Variants in PEPD observed in about 807,000 individuals in gnomAD.
The protein encoded by PEPD is xaa-Pro dipeptidase.
Under a neutral mutation model 60.7 loss-of-function variants are expected in PEPD, and 53 were observed. The ratio of observed to expected loss-of-function variants is 0.87; its 90% CI spans 0.70 to 1.10. PEPD has a LOEUF of 1.10. Among genes scored for constraint, PEPD ranks in the 50% least tolerant of loss-of-function variants. The pLI is 0.00. For missense variants in PEPD, 711 were observed against 711.9 expected, an observed-to-expected ratio of 1.00 and a Z score of 0.01; for synonymous variants, 267 against 284.1, an observed-to-expected ratio of 0.94 and a Z score of 0.60.
chr19:33,505,827 ACACACCCACACACAACACAGCATACT>A (rs2145343082), intron 3 of PEPD, among the ~76,000 whole-genome samples: 1 of 134,346 alleles, frequency 7.4e-6, no homozygotes, highest in South Asian at 2.8e-4. Context: ...TACACACTAC[ACACACCCACACACAACACAGCATACT>A]CACACCCACC....
At chr19:33,489,856 A>G (rs1970464758) in intron 6 of PEPD, 140 bp downstream of exon 6, 2 of 643,240 alleles carry the variant, frequency 3.1e-6, no homozygotes, top group East Asian at 5.5e-5. Flanking sequence ...TTATGCTTCT[A>G]AACATTTCCT....
chr19:33,458,600 T>C (rs991925906), intron 9 of PEPD, among the ~76,000 whole-genome samples: 1 of 129,416 alleles, frequency 7.7e-6, no homozygotes, highest in African/African-American at 3.0e-5. Flanking sequence ...GTGGTGAGTA[T>C]GGTGTGGGCG....
chr19:33,421,408 T>G (rs1969015484), intron 9 of PEPD, among the ~76,000 whole-genome samples: 1 of 152,256 alleles, frequency 6.6e-6, no homozygotes, highest in African/African-American at 2.4e-5. Flanking sequence ...GCGCAGGGGC[T>G]GGGCTGACCC....
At chr19:33,484,849 G>A (rs1970368824) in intron 6 of PEPD, among the ~76,000 whole-genome samples, 1 of 152,132 alleles carries the variant, frequency 6.6e-6, no homozygotes, top group African/African-American at 2.4e-5. Context: ...AAGGTTAACA[G>A]GTTGAACCCT....
At chr19:33,474,210 C>T (rs1360016399) in intron 7 of PEPD, among the ~76,000 whole-genome samples, 1 of 152,222 alleles carries the variant, frequency 6.6e-6, no homozygotes, top group Non-Finnish European at 1.5e-5. Context: ...ATGACTGACA[C>T]TCAGGCAGCC....
intron 9 of PEPD, among the ~76,000 whole-genome samples, chr19:33,448,959 T>C (rs1969645994): frequency 6.6e-6 from 1 of 152,228 alleles, no homozygotes; most frequent in African/African-American, 2.4e-5. Context: ...CTCTGGCCTT[T>C]CTCTTGCTAG....
chr19:33,396,364 G>T (rs930556725), intron 12 of PEPD, among the ~76,000 whole-genome samples: 14 of 152,118 alleles, frequency 9.2e-5, no homozygotes, highest in African/African-American at 2.9e-4. Context: ...CAGGTGGGCC[G>T]GGGCAGGTGC....
At chr19:33,415,449 A>G (rs986649875) in intron 9 of PEPD, among the ~76,000 whole-genome samples, 1 of 152,180 alleles carries the variant, frequency 6.6e-6, no homozygotes, top group Non-Finnish European at 1.5e-5. Context: ...AGGTTGGAGG[A>G]CTGCTTGAGG....
At position 33,486,301 on chromosome 19, in the gene PEPD, G is replaced by A. The variant is rs544139992; in HGVS notation, c.503+3695C>T. 8.8e-5 allele frequency among the ~76,000 whole-genome samples: 10 copies of A among 113,560 alleles called. No individual in the cohort carries two copies. The South Asian group carries it at 2.8e-3, about 32-fold the overall frequency. 74.5% of individuals were successfully genotyped at this position (113,560 alleles called of 152,430 possible). A position where few individuals can be genotyped will look rare whatever the true frequency, so the allele number is the denominator to read the frequency against. On this transcript the variant is annotated intron_variant, in intron 6 of 14. Transcript: ENST00000244137. Reference sequence around the variant, plus strand: ...CGCCAGGACCTGGCAATGAGCACCCGACCCCATGCCCACACCCACCCCTCC... The same window carrying A: ...CGCCAGGACCTGGCAATGAGCACCCAACCCCATGCCCACACCCACCCCTCC...
chr19:33,481,527 T>G (rs552472185), intron 6 of PEPD, among the ~76,000 whole-genome samples: 1 of 151,862 alleles, frequency 6.6e-6, no homozygotes, highest in South Asian at 2.1e-4. Flanking sequence ...GATCGTGCCA[T>G]TGCACTCCAG....
chr19:33,463,945 A>G, intron 8 of PEPD, 42 bp downstream of exon 8: 1 of 1,359,484 alleles, frequency 7.4e-7, no homozygotes, highest in Non-Finnish European at 1.0e-6. Flanking sequence ...CCACACAGCA[A>G]CACTGCTTTC....
intron 1 of PEPD, among the ~76,000 whole-genome samples, chr19:33,521,092 C>G (rs957057630): frequency 1.3e-5 from 2 of 152,236 alleles, no homozygotes; most frequent in African/African-American, 4.8e-5. Context: ...CCTCCCACTA[C>G]GACCACTCAG....
At chr19:33,460,814 C>T (rs1050912619) in intron 9 of PEPD, among the ~76,000 whole-genome samples, 8 of 152,118 alleles carry the variant, frequency 5.3e-5, no homozygotes, top group African/African-American at 1.9e-4. Context: ...CCTCTGGCTT[C>T]GAGCTCATCT....
At chr19:33,412,231 C>T (rs561113078) in intron 10 of PEPD, among the ~76,000 whole-genome samples, 1 of 152,296 alleles carries the variant, frequency 6.6e-6, no homozygotes, top group Non-Finnish European at 1.5e-5. Context: ...GCTGTAATCC[C>T]AGTTACTCAG....
rs1168581934 is a variant in PEPD, at chr19:33,521,788, G to C, written c.-28C>G. ...TCGCCCGGCACCGGCGTCACGTGAA[G>C]TGCGGCGTCAGCTGAGCCCCTCCGG... On this transcript the variant is annotated 5_prime_UTR_variant, in exon 1 of 15. Transcript: ENST00000244137. The C allele has an allele frequency of 3.8e-6, 6 of 1,564,160 alleles. No homozygotes were observed. The highest frequency in any genetic ancestry group is 5.2e-6 in the Non-Finnish European group (6 of 1,159,848).
intron 9 of PEPD, among the ~76,000 whole-genome samples, chr19:33,455,921 C>T (rs1262392461): frequency 2.6e-5 from 4 of 152,178 alleles, no homozygotes; most frequent in Admixed American, 2.0e-4. Context: ...AGGAGCAATG[C>T]GCCCAGCATT....
intron 11 of PEPD, among the ~76,000 whole-genome samples, chr19:33,404,104 C>A (rs530214421): frequency 2.6e-5 from 4 of 152,194 alleles, no homozygotes; most frequent in African/African-American, 9.7e-5. Context: ...TAGGTCCTGG[C>A]GGCAGTGCTC....
chr19:33,514,943 C>G (rs947861876), intron 1 of PEPD, among the ~76,000 whole-genome samples: 9 of 152,106 alleles, frequency 5.9e-5, no homozygotes, highest in African/African-American at 2.2e-4. Flanking sequence ...TTAGTGGCCC[C>G]CTGGAGTAAA....
chr19:33,472,221 G>A (rs184276352), intron 7 of PEPD, among the ~76,000 whole-genome samples: 27 of 151,996 alleles, frequency 1.8e-4, no homozygotes, highest in Admixed American at 1.5e-3. Flanking sequence ...TCAGCTACTC[G>A]GGAGGCTGAG....
Sources: allele counts gnomAD v4.1 joint callset (sites outside exome capture counted in the v4.1 genomes callset), GRCh38; gene constraint gnomAD v4.1.1; transcripts MANE v1.5; gene names NCBI Gene and HGNC (gene_info 2026-07-23, HGNC 2026-07-21).